Variants in CEP128 observed in about 807,000 individuals in gnomAD.
CEP128 encodes the protein centrosomal protein 128.
A neutral mutation model predicts 156.7 loss-of-function variants in CEP128; 132 were observed. The observed-to-expected ratio is 0.84, with a 90% CI of 0.73 to 0.97. The LOEUF is 0.97. CEP128 is among the 50% of genes least tolerant of loss of function. The pLI, the probability that CEP128 is intolerant of heterozygous loss-of-function variation, is 0.00. For synonymous variants in CEP128, 469 were observed against 448.9 expected, an observed-to-expected ratio of 1.04 and a Z score of -0.57; for missense variants, 1,252 against 1,281.9, an observed-to-expected ratio of 0.98 and a Z score of 0.36.
chr14:80,623,772 G>A (rs1006841201), intron 19 of CEP128, among the ~76,000 whole-genome samples: 64 of 152,066 alleles, frequency 4.2e-4, no homozygotes, highest in South Asian at 2.1e-4. Context: ...CCTTCCAGAA[G>A]TAGATTTTTC....
At chr14:80,595,528 C>T (rs1892276092) in intron 19 of CEP128, among the ~76,000 whole-genome samples, 1 of 152,060 alleles carries the variant, frequency 6.6e-6, no homozygotes, top group African/African-American at 2.4e-5. Context: ...GTTTCTGTTT[C>T]AATTTGATGA....
intron 19 of CEP128, among the ~76,000 whole-genome samples, chr14:80,609,842 A>G (rs1171421767): frequency 6.6e-6 from 1 of 151,864 alleles, no homozygotes; most frequent in Non-Finnish European, 1.5e-5. Flanking sequence ...AAAATTATAT[A>G]TGTATGTGAG....
chr14:80,831,437 T>C, intron 12 of CEP128, 143 bp from the exon 13 acceptor site: 1 of 779,070 alleles, frequency 1.3e-6, no homozygotes, highest in Non-Finnish European at 2.0e-6. Flanking sequence ...TTTGCCAGCC[T>C]GTTGTTTCAA....
intron 18 of CEP128, among the ~76,000 whole-genome samples, chr14:80,753,290 G>A (rs376724233): frequency 3.3e-5 from 5 of 151,644 alleles, no homozygotes; most frequent in East Asian, 1.9e-4. Flanking sequence ...AGAAGCAAAC[G>A]GGGAATTTCA....
At position 80,932,025 on chromosome 14, in the gene CEP128, C is replaced by T. The variant is rs145064440; in HGVS notation, c.-16+7360G>A. On this transcript the variant is annotated intron_variant, in intron 2 of 24. Coordinates refer to ENST00000555265, the MANE Select transcript of CEP128 (RefSeq NM_152446.5). The stretch of plus-strand genomic sequence containing the variant: ...GTAATTGACTCATAGGGGCAGTTAC[C>T]CCCATGCTGTTCTCATGATAGTAGT... Among the ~76,000 whole-genome samples, 82 of 152,156 alleles carry T rather than the reference C, an allele frequency of 5.4e-4. 1 individual carries two copies. The highest frequency in any genetic ancestry group is 3.4e-3 in the Middle Eastern group (1 of 294).
chr14:80,668,851 A>G (rs1895730841), intron 19 of CEP128, among the ~76,000 whole-genome samples: 1 of 152,156 alleles, frequency 6.6e-6, no homozygotes, highest in Non-Finnish European at 1.5e-5. Flanking sequence ...TGCTGTTCTC[A>G]TGATAATGAA....
intron 6 of CEP128, among the ~76,000 whole-genome samples, chr14:80,902,772 T>C: frequency 6.6e-6 from 1 of 152,136 alleles, no homozygotes; most frequent in East Asian, 1.9e-4. Flanking sequence ...GAAAAATCAG[T>C]AGATCAATCA....
chr14:80,933,885 G>T (rs914137878), intron 2 of CEP128, among the ~76,000 whole-genome samples: 2 of 152,210 alleles, frequency 1.3e-5, no homozygotes, highest in African/African-American at 4.8e-5. Context: ...GTCTGCATAT[G>T]TGAAGAAAGA....
Position 80,786,472 on chromosome 14 carries a change from C to T in CEP128, c.1561-927G>A, listed in dbSNP as rs893775634. On this transcript the variant is annotated intron_variant, in intron 14 of 24. Transcript: ENST00000555265. ...TACTTCAGTGTAAAACAATTTATGA[C>T]AAAAATTTAATGAGTCAATCACTCC... is the stretch of plus-strand genomic sequence containing the variant. 1.6e-4 allele frequency among the ~76,000 whole-genome samples: 25 copies of T among 152,064 alleles called. 1 individual carries two copies. Among genetic ancestry groups the T allele is most frequent in the Non-Finnish European group, 2.5e-4 (17 of 68,006 alleles).
intron 19 of CEP128, among the ~76,000 whole-genome samples, chr14:80,725,840 T>C (rs1218696175): frequency 1.3e-5 from 2 of 152,236 alleles, no homozygotes; most frequent in Non-Finnish European, 2.9e-5. Context: ...TTCAGCTATA[T>C]TGGTAGATCT....
At chr14:80,739,020 GCT>G (rs1316207967) in intron 19 of CEP128, among the ~76,000 whole-genome samples, 2 of 152,152 alleles carry the variant, frequency 1.3e-5, no homozygotes, top group Non-Finnish European at 2.9e-5. Context: ...TGGCAATCTG[GCT>G]TAAACCACTC....
intron 19 of CEP128, among the ~76,000 whole-genome samples, chr14:80,707,131 G>T (rs1167234259): frequency 6.6e-6 from 1 of 152,008 alleles, no homozygotes; most frequent in Non-Finnish European, 1.5e-5. Context: ...CATGATTCTT[G>T]GTATGGCAAG....
intron 19 of CEP128, among the ~76,000 whole-genome samples, chr14:80,647,064 T>TGTGTGC (rs1566831619): frequency 3.4e-4 from 9 of 26,428 alleles, no homozygotes; most frequent in South Asian, 1.6e-3. Flanking sequence ...TATATATATA[T>TGTGTGC]ATATATATAT....
intron 21 of CEP128, among the ~76,000 whole-genome samples, chr14:80,544,105 C>A (rs1486327814): frequency 6.6e-6 from 1 of 152,126 alleles, no homozygotes; most frequent in African/African-American, 2.4e-5. Flanking sequence ...CATCACTATA[C>A]CAGATTTTAT....
At chr14:80,765,923 A>C (rs547757978) in intron 16 of CEP128, among the ~76,000 whole-genome samples, 1 of 152,340 alleles carries the variant, frequency 6.6e-6, no homozygotes, top group East Asian at 1.9e-4. Context: ...TTAGAAAAAC[A>C]ATGTGAAAAA....
At chr14:80,499,545 CTTAT>C (rs1042054233) in intron 24 of CEP128, among the ~76,000 whole-genome samples, 2 of 152,128 alleles carry the variant, frequency 1.3e-5, no homozygotes, top group Admixed American at 6.5e-5. Context: ...TCCTTTTGGG[CTTAT>C]TTATTTTAAC....
intron 2 of CEP128, among the ~76,000 whole-genome samples, chr14:80,935,464 T>C (rs899550051): frequency 3.3e-5 from 5 of 151,158 alleles, no homozygotes; most frequent in African/African-American, 7.3e-5. Context: ...GGCAGGAGAA[T>C]TGTTTGAACC....
At chr14:80,594,256 A>C (rs530395680) in intron 19 of CEP128, among the ~76,000 whole-genome samples, 7 of 152,336 alleles carry the variant, frequency 4.6e-5, no homozygotes, top group African/African-American at 1.4e-4. Flanking sequence ...TGTTGGGGTA[A>C]CTGGCTAGCC....
At chr14:80,591,320 A>C (rs1409586853) in intron 19 of CEP128, among the ~76,000 whole-genome samples, 2 of 152,140 alleles carry the variant, frequency 1.3e-5, no homozygotes, top group African/African-American at 2.4e-5. Context: ...AATATTTACC[A>C]AGCAAATGGA....
Sources: allele counts gnomAD v4.1 joint callset (sites outside exome capture counted in the v4.1 genomes callset), GRCh38; gene constraint gnomAD v4.1.1; transcripts MANE v1.5; gene names NCBI Gene and HGNC (gene_info 2026-07-23, HGNC 2026-07-21).